The following EMP2 variants were observed in gnomAD, a reference collection of about 807,000 sequenced individuals.
EMP2 encodes the protein epithelial membrane protein 2.
EMP2 carries 19 observed loss-of-function variants against 13.7 expected under a neutral mutation model. That is an observed-to-expected ratio of 1.38 (90% CI 0.97 to 2.03). The LOEUF (loss-of-function observed/expected upper bound fraction) is 2.03, where lower values mean the gene tolerates loss of function less well. Ranked by LOEUF, EMP2 falls within the 30% of genes most tolerant of loss-of-function variation. The pLI is 0.00. For missense variants in EMP2, 253 were observed against 220.7 expected, an observed-to-expected ratio of 1.15 and a Z score of -0.93; for synonymous variants, 97 against 84.7, an observed-to-expected ratio of 1.15 and a Z score of -0.80.
At chr16:10,570,107 G>T (rs999404151) in intron 1 of EMP2, among the ~76,000 whole-genome samples, 2 of 152,176 alleles carry the variant, frequency 1.3e-5, no homozygotes, top group Non-Finnish European at 1.5e-5. Context: ...GATAGGAAGC[G>T]ATGGTCCCTG....
chr16:10,546,533 G>C, intron 2 of EMP2: 1 of 152,218 alleles, frequency 6.6e-6, no homozygotes, highest in African/African-American at 2.4e-5. Context: ...AGCTCTGCTG[G>C]GGAGGACATG....
rs192486984 is a variant in EMP2, at chr16:10,558,038, T to G, written c.-60-10361A>C. Among the ~76,000 whole-genome samples, 38 of 151,532 alleles carry G rather than the reference T, an allele frequency of 2.5e-4. 1 individual carries two copies. In the East Asian group the frequency reaches 6.8e-3, roughly 27 times the overall value. On this transcript the variant is annotated intron_variant, in intron 1 of 4. Transcript: ENST00000359543. ...TGGCTCAGTGAGTTTCAAGTTTTTT[T>G]TTTTTTTTTTAAACAGGATCTCTCT... is the stretch of plus-strand genomic sequence containing the variant.
intron 1 of EMP2, among the ~76,000 whole-genome samples, chr16:10,554,778 C>G (rs185413907): frequency 9.2e-5 from 14 of 152,294 alleles, no homozygotes; most frequent in Admixed American, 2.6e-4. Context: ...CCCCTGAACA[C>G]GGTTCCCTGG....
intron 1 of EMP2, among the ~76,000 whole-genome samples, chr16:10,573,213 C>T (rs2050959803): frequency 6.6e-6 from 1 of 152,092 alleles, no homozygotes; most frequent in African/African-American, 2.4e-5. Context: ...CCATGCCTGG[C>T]TAATTTTGCT....
At chr16:10,537,710 A>G (rs967076374) in intron 4 of EMP2, among the ~76,000 whole-genome samples, 1 of 151,364 alleles carries the variant, frequency 6.6e-6, no homozygotes, top group Non-Finnish European at 1.5e-5. Context: ...TCCCAACTCA[A>G]TCCAAACTCC....
intron 4 of EMP2, among the ~76,000 whole-genome samples, chr16:10,535,754 G>A (rs2050642117): frequency 6.6e-6 from 1 of 152,166 alleles, no homozygotes; most frequent in African/African-American, 2.4e-5. Flanking sequence ...CCTTTAATGG[G>A]GTCGGTGAGG....
chr16:10,550,023 C>A (rs2050773686), intron 1 of EMP2, among the ~76,000 whole-genome samples: 1 of 151,172 alleles, frequency 6.6e-6, no homozygotes, highest in African/African-American at 2.4e-5. Flanking sequence ...GTAGCTGGGA[C>A]TACAGGCACG....
rs2050580308 is a variant in EMP2 at position 10,529,477 on chromosome 16, G to A, written c.*3428C>T. Reference sequence around the variant, plus strand: ...TGTGGGCACTGAATGTTGTACAGCAGTGGCAACCAGCCGGGAAAATCCATA... The same window carrying A: ...TGTGGGCACTGAATGTTGTACAGCAATGGCAACCAGCCGGGAAAATCCATA... On this transcript the variant is annotated 3_prime_UTR_variant, in exon 5 of 5. Coordinates refer to ENST00000359543, the MANE Select transcript of EMP2 (RefSeq NM_001424.6). 1 of 152,218 alleles carries A rather than the reference G, an allele frequency of 6.6e-6. No homozygotes were observed. Among genetic ancestry groups the A allele is most frequent in the African/African-American group, 2.4e-5 (1 of 41,454 alleles). The allele number at this position is 152,218 out of a possible 1,614,324, so 9.4% of individuals were successfully genotyped here.
In EMP2 at chr16:10,547,621, CA is replaced by C. The variant is rs762760334; in HGVS notation, c.-5del. ...TGAAAGCAAGAAGCACCAACATTTT[CA>C]CAGGGCAGGGCGAGTCGAGGCGAGG... is the stretch of plus-strand genomic sequence containing the variant. On this transcript the variant is annotated 5_prime_UTR_variant, in exon 2 of 5. Coordinates refer to ENST00000359543, the MANE Select transcript of EMP2 (RefSeq NM_001424.6). 52 of 1,614,052 alleles carry C rather than the reference CA, an allele frequency of 3.2e-5. 1 individual carries two copies. Among genetic ancestry groups the C allele is most frequent in the Non-Finnish European group, 4.0e-5 (47 of 1,180,036 alleles).
intron 3 of EMP2, among the ~76,000 whole-genome samples, chr16:10,538,893 G>A (rs764575368): frequency 2.0e-5 from 3 of 152,148 alleles, no homozygotes; most frequent in Non-Finnish European, 2.9e-5. Flanking sequence ...GTAGCTCACT[G>A]CAGCCTTGAA....
chr16:10,553,393 T>C (rs956333231), intron 1 of EMP2, among the ~76,000 whole-genome samples: 3 of 152,148 alleles, frequency 2.0e-5, no homozygotes, highest in Non-Finnish European at 4.4e-5. Context: ...CCCTCACTCA[T>C]CTCTTCACAC....
chr16:10,551,814 C>T (rs944855031), intron 1 of EMP2, among the ~76,000 whole-genome samples: 1 of 152,148 alleles, frequency 6.6e-6, no homozygotes, highest in Non-Finnish European at 1.5e-5. Context: ...TGCCAGCTCT[C>T]CTCTCCAACC....
intron 4 of EMP2, among the ~76,000 whole-genome samples, chr16:10,534,262 C>A (rs1034023982): frequency 4.6e-5 from 7 of 152,014 alleles, no homozygotes; most frequent in Non-Finnish European, 8.8e-5. Flanking sequence ...CTTTTTGGAG[C>A]CACGAAGAGG....
At chr16:10,574,229 C>A (rs1322506057) in intron 1 of EMP2, among the ~76,000 whole-genome samples, 1 of 151,936 alleles carries the variant, frequency 6.6e-6, no homozygotes, top group Non-Finnish European at 1.5e-5. Flanking sequence ...TGAGCTACTG[C>A]GCCCGGCCCC....
chr16:10,535,081 G>C (rs150373958), intron 4 of EMP2, among the ~76,000 whole-genome samples: 16 of 152,158 alleles, frequency 1.1e-4, no homozygotes, highest in Non-Finnish European at 2.1e-4. Flanking sequence ...CCAAGACCTG[G>C]TTTTTCAGCT....
At chr16:10,549,483 C>G (rs2050765735) in intron 1 of EMP2, among the ~76,000 whole-genome samples, 1 of 152,140 alleles carries the variant, frequency 6.6e-6, no homozygotes, top group South Asian at 2.1e-4. Flanking sequence ...GTCAACAAAA[C>G]TCAAATGTCA....
intron 1 of EMP2, among the ~76,000 whole-genome samples, chr16:10,571,596 G>A (rs766026015): frequency 1.3e-5 from 2 of 152,188 alleles, no homozygotes; most frequent in South Asian, 2.1e-4. Flanking sequence ...TTTTAAGTGG[G>A]GCAGGGGAAG....
chr16:10,568,621 G>A (rs2050925625), intron 1 of EMP2, among the ~76,000 whole-genome samples: 1 of 152,106 alleles, frequency 6.6e-6, no homozygotes, highest in Admixed American at 6.5e-5. Flanking sequence ...GTGTCACAGG[G>A]TAACCTGGGG....
chr16:10,564,383 T>A (rs1332130566), intron 1 of EMP2, among the ~76,000 whole-genome samples: 1 of 148,286 alleles, frequency 6.7e-6, no homozygotes, highest in Non-Finnish European at 1.5e-5. Context: ...CCCAGCTACT[T>A]GGGAGGCTGA....
Sources: allele counts gnomAD v4.1 joint callset (sites outside exome capture counted in the v4.1 genomes callset), GRCh38; gene constraint gnomAD v4.1.1; transcripts MANE v1.5; gene names NCBI Gene and HGNC (gene_info 2026-07-23, HGNC 2026-07-21).